The following TENM3 variants were observed in gnomAD, a reference collection of about 807,000 sequenced individuals.
The protein encoded by TENM3 is teneurin transmembrane protein 3, also known as teneurin-3.
TENM3 carries 63 observed loss-of-function variants against 255.1 expected under a neutral mutation model. The ratio of observed to expected loss-of-function variants is 0.25; its 90% CI spans 0.20 to 0.30. TENM3 has a LOEUF of 0.30. Among genes scored for constraint, TENM3 ranks in the 10% least tolerant of loss-of-function variants. TENM3 has a pLI of 1.00. For synonymous variants in TENM3, 1,306 were observed against 1,322.3 expected (o/e 0.99, Z 0.27); for missense variants, 2,929 against 3,461.1 (o/e 0.85, Z 3.86).
chr4:181,828,147 C>T, the TENM3 span, among the ~76,000 whole-genome samples: 1 of 152,126 alleles, frequency 6.6e-6, no homozygotes, highest in African/African-American at 2.4e-5. Context: ...CTGATGAATG[C>T]CCTGGCTCCA....
chr4:182,258,201 T>G (rs778720746), intron 1 of TENM3, among the ~76,000 whole-genome samples: 1 of 152,196 alleles, frequency 6.6e-6, no homozygotes, highest in Non-Finnish European at 1.5e-5. Flanking sequence ...TATTCTAAAT[T>G]AAATCCTACT....
the TENM3 span, among the ~76,000 whole-genome samples, chr4:181,703,416 A>G: frequency 3.3e-5 from 5 of 152,234 alleles, no homozygotes; most frequent in African/African-American, 1.2e-4. Context: ...AAGATTGCAT[A>G]GTTTTAACGT....
intron 1 of TENM3, among the ~76,000 whole-genome samples, chr4:182,230,812 C>CTA (rs55642239): frequency 0.065 from 3,717 of 57,092 alleles, 235 homozygotes; most frequent in Non-Finnish European, 0.074. Context: ...GTTTCTCAAA[C>CTA]TATATATATA....
the TENM3 span, among the ~76,000 whole-genome samples, chr4:182,007,095 C>T: frequency 1.3e-5 from 2 of 151,906 alleles, no homozygotes; most frequent in Admixed American, 1.3e-4. Flanking sequence ...TTGGGAGACT[C>T]TTTGTTATGA....
chr4:182,251,387 G>A (rs1036410898), intron 1 of TENM3, among the ~76,000 whole-genome samples: 1 of 152,106 alleles, frequency 6.6e-6, no homozygotes, highest in African/African-American at 2.4e-5. Context: ...AGGATCACTC[G>A]AGCCCAGGTG....
chr4:181,952,734 C>G, the TENM3 span, among the ~76,000 whole-genome samples: 1 of 152,164 alleles, frequency 6.6e-6, no homozygotes, highest in African/African-American at 2.4e-5. Flanking sequence ...GCAGGACTCC[C>G]TAGATTTCCT....
At position 182,467,810 on chromosome 4, in the gene TENM3, A is replaced by G. The variant is rs531027469; in HGVS notation, c.511+120881A>G. 9.7e-4 allele frequency among the ~76,000 whole-genome samples: 147 copies of G among 152,292 alleles called. 1 individual carries two copies. The South Asian group carries it at 0.015, about 15-fold the overall frequency. On this transcript the variant is annotated intron_variant, in intron 3 of 27. Transcript: ENST00000511685. Reference sequence around the variant, plus strand: ...TGAACACGCACCCTGTAAAGATCCAATCTGGTAATTAGAGTGTTAGAGTGG... The same window carrying G: ...TGAACACGCACCCTGTAAAGATCCAGTCTGGTAATTAGAGTGTTAGAGTGG...
At chr4:182,465,142 A>G (rs1469909827) in intron 3 of TENM3, among the ~76,000 whole-genome samples, 2 of 152,204 alleles carry the variant, frequency 1.3e-5, no homozygotes, top group East Asian at 1.9e-4. Context: ...GTTTCTAGTA[A>G]TGTCTTTCTT....
At chr4:182,546,270 G>A (rs191970714) in intron 3 of TENM3, among the ~76,000 whole-genome samples, 189 of 152,244 alleles carry the variant, frequency 1.2e-3, no homozygotes, top group Non-Finnish European at 7.8e-4. Flanking sequence ...AGGACCAGCT[G>A]TATTATTACT....
chr4:181,578,543 C>G, the TENM3 span, among the ~76,000 whole-genome samples: 1 of 152,216 alleles, frequency 6.6e-6, no homozygotes, highest in African/African-American at 2.4e-5. Flanking sequence ...GGGCCAGAGG[C>G]TGCCAGTGCT....
intron 1 of TENM3, among the ~76,000 whole-genome samples, chr4:182,195,238 G>T (rs967121281): frequency 2.6e-5 from 4 of 152,094 alleles, no homozygotes; most frequent in Admixed American, 6.5e-5. Context: ...CCCCCAAAAC[G>T]TGCCTGTTAT....
At chr4:181,612,957 C>T in the TENM3 span, among the ~76,000 whole-genome samples, 1 of 152,164 alleles carries the variant, frequency 6.6e-6, no homozygotes, top group African/African-American at 2.4e-5. Context: ...TGACAGCCAT[C>T]TATTTGTAGT....
At chr4:182,057,756 C>A in the TENM3 span, among the ~76,000 whole-genome samples, 1 of 152,006 alleles carries the variant, frequency 6.6e-6, no homozygotes, top group South Asian at 2.1e-4. Context: ...TACCTACATG[C>A]CGACTGACCT....
chr4:182,749,116 C>T (rs1171687275), intron 19 of TENM3, among the ~76,000 whole-genome samples: 1 of 150,962 alleles, frequency 6.6e-6, no homozygotes, highest in Non-Finnish European at 1.5e-5. Flanking sequence ...ACTGAAGCTG[C>T]CACCTCAATA....
chr4:182,352,751 T>G (rs1200936254), intron 3 of TENM3, among the ~76,000 whole-genome samples: 1 of 152,116 alleles, frequency 6.6e-6, no homozygotes, highest in Non-Finnish European at 1.5e-5. Context: ...AGTCTAAAAG[T>G]TGCATTATTG....
the TENM3 span, among the ~76,000 whole-genome samples, chr4:181,831,417 G>A: frequency 1.3e-5 from 2 of 149,120 alleles, no homozygotes; most frequent in Non-Finnish European, 3.0e-5. Flanking sequence ...AAGCCAAATG[G>A]TTTATTATTT....
At chr4:181,537,141 C>T in the TENM3 span, among the ~76,000 whole-genome samples, 115 of 152,166 alleles carry the variant, frequency 7.6e-4, 1 homozygote, top group South Asian at 9.1e-3. Flanking sequence ...AGAAAAATGA[C>T]CTTTTCCGAA....
At chr4:182,661,310 C>T (rs1754209897) in intron 6 of TENM3, among the ~76,000 whole-genome samples, 1 of 148,478 alleles carries the variant, frequency 6.7e-6, no homozygotes, top group African/African-American at 2.5e-5. Flanking sequence ...ATGCCATTCT[C>T]CTGCCTCAGC....
chr4:182,027,251 T>A, the TENM3 span, among the ~76,000 whole-genome samples: 345 of 152,300 alleles, frequency 2.3e-3, 5 homozygotes, highest in Middle Eastern at 0.014. Flanking sequence ...TAAATGGGAT[T>A]ACTTTTTTGA....
Sources: gnomAD v4.1 joint callset for allele counts (sites outside exome capture counted in the v4.1 genomes callset) on GRCh38, gnomAD v4.1.1 for gene constraint, MANE v1.5 for transcripts, NCBI Gene and HGNC (gene_info 2026-07-23, HGNC 2026-07-21) for gene names.